CDYL2: variants seen among roughly 807,000 people sequenced by gnomAD.
CDYL2 encodes chromodomain Y-like protein 2.
In CDYL2, 23 loss-of-function variants were observed where a neutral mutation model predicts 49.4. That is an observed-to-expected ratio of 0.47 (90% CI 0.34 to 0.66). The LOEUF (loss-of-function observed/expected upper bound fraction) is 0.66. Ranked by LOEUF, CDYL2 falls within the 30% of genes least tolerant of loss-of-function variation. The pLI, the probability that CDYL2 is intolerant of heterozygous loss-of-function variation, is 0.01. For synonymous variants in CDYL2, 360 were observed against 268.8 expected (o/e 1.34, Z -3.32); for missense variants, 678 against 656.4 (o/e 1.03, Z -0.36).
At chr16:80,631,370 G>T (rs80090035) in intron 3 of CDYL2, among the ~76,000 whole-genome samples, 1 of 152,144 alleles carries the variant, frequency 6.6e-6, no homozygotes, top group Non-Finnish European at 1.5e-5. Flanking sequence ...AGGCTGCTTC[G>T]TGGAGCATCT....
chr16:80,749,752 A>T (rs1180137318), intron 1 of CDYL2, among the ~76,000 whole-genome samples: 2 of 152,186 alleles, frequency 1.3e-5, no homozygotes, highest in Non-Finnish European at 2.9e-5. Flanking sequence ...AAAAAAAAGC[A>T]TACATGTGCA....
intron 1 of CDYL2, among the ~76,000 whole-genome samples, chr16:80,766,635 T>C (rs1221774873): frequency 6.6e-6 from 1 of 152,132 alleles, no homozygotes; most frequent in East Asian, 1.9e-4. Context: ...GAAACTAAGA[T>C]TCCAAGAGGT....
At chr16:80,735,951 C>T (rs1226151206) in intron 1 of CDYL2, among the ~76,000 whole-genome samples, 3 of 152,232 alleles carry the variant, frequency 2.0e-5, no homozygotes, top group Non-Finnish European at 4.4e-5. Context: ...CGGGTCTGCA[C>T]TTAGTAGCTC....
chr16:80,628,753 G>T (rs1341266060), intron 3 of CDYL2, among the ~76,000 whole-genome samples: 1 of 152,180 alleles, frequency 6.6e-6, no homozygotes, highest in African/African-American at 2.4e-5. Context: ...ACCTAGTCCA[G>T]ACCCTTTCAC....
intron 1 of CDYL2, among the ~76,000 whole-genome samples, chr16:80,730,622 T>C (rs1275422360): frequency 1.3e-5 from 2 of 152,090 alleles, no homozygotes; most frequent in Admixed American, 1.3e-4. Context: ...ATCATCCTGA[T>C]ACCAAAGCCG....
chr16:80,769,527 C>A (rs560956468), intron 1 of CDYL2, among the ~76,000 whole-genome samples: 1 of 152,158 alleles, frequency 6.6e-6, no homozygotes, highest in Non-Finnish European at 1.5e-5. Context: ...AGAGAATGGA[C>A]CCTGCACTCA....
intron 2 of CDYL2, among the ~76,000 whole-genome samples, chr16:80,660,676 G>T (rs924517649): frequency 1.3e-5 from 2 of 152,196 alleles, no homozygotes; most frequent in African/African-American, 4.8e-5. Flanking sequence ...TTAAAAGACA[G>T]AGATAATCAC....
At chr16:80,779,969 T>A (rs1907209711) in intron 1 of CDYL2, among the ~76,000 whole-genome samples, 1 of 152,132 alleles carries the variant, frequency 6.6e-6, no homozygotes, top group Admixed American at 6.6e-5. Flanking sequence ...AGAAAGCATA[T>A]AATGAAGAGA....
In CDYL2 at chr16:80,791,382, T is replaced by C. The variant is rs995413805; in HGVS notation, c.24+12768A>G. On this transcript the variant is annotated intron_variant, in intron 1 of 6. Transcript: ENST00000570137. ...ATTAAACAGATTGGTTTTTGAGTCT[T>C]GCACTGTGCTAGGTGCTACAGATGA... Among the ~76,000 whole-genome samples, 21 of 152,218 alleles carry C rather than the reference T, an allele frequency of 1.4e-4. 1 individual carries two copies. Among genetic ancestry groups the C allele is most frequent in the African/African-American group, 4.1e-4 (17 of 41,456 alleles).
At chr16:80,626,275 TA>T (rs11358031) in intron 3 of CDYL2, among the ~76,000 whole-genome samples, 20,881 of 92,168 alleles carry the variant, frequency 0.23, 1,813 homozygotes, top group Admixed American at 0.37. Flanking sequence ...AAATCCCATC[TA>T]AAAAAAAAAA....
chr16:80,608,858 C>A (rs1382610756), intron 5 of CDYL2, among the ~76,000 whole-genome samples: 1 of 152,186 alleles, frequency 6.6e-6, no homozygotes, highest in Admixed American at 6.5e-5. Flanking sequence ...AATTCCCCAG[C>A]CCTGTCTCCC....
intron 2 of CDYL2, among the ~76,000 whole-genome samples, chr16:80,635,338 C>A (rs904089017): frequency 1.3e-5 from 2 of 152,200 alleles, no homozygotes; most frequent in African/African-American, 4.8e-5. Context: ...AGCCCAAAAT[C>A]TCCTTAAGCT....
Position 80,675,743 on chromosome 16 carries a change from G to A in CDYL2, c.616+8795C>T, listed in dbSNP as rs111813956. 2.6e-3 allele frequency among the ~76,000 whole-genome samples: 395 copies of A among 152,022 alleles called. 2 individuals are homozygous for A. Among genetic ancestry groups the A allele is most frequent in the Middle Eastern group, 6.8e-3 (2 of 292 alleles). ...TCAATAAGGAGAGCGGCTTTTCACC[G>A]ACATTAGGAGGTGAAGTTTTATTAT... is the stretch of plus-strand genomic sequence containing the variant. On this transcript the variant is annotated intron_variant, in intron 2 of 6. Transcript: ENST00000570137.
chr16:80,767,933 T>G (rs1906781059), intron 1 of CDYL2, among the ~76,000 whole-genome samples: 1 of 152,220 alleles, frequency 6.6e-6, no homozygotes, highest in African/African-American at 2.4e-5. Context: ...ATGGCTTCTC[T>G]GGAGCAACTT....
At chr16:80,627,169 G>T (rs1907341869) in intron 3 of CDYL2, among the ~76,000 whole-genome samples, 1 of 152,074 alleles carries the variant, frequency 6.6e-6, no homozygotes, top group Non-Finnish European at 1.5e-5. Flanking sequence ...ATAAGCAACA[G>T]ATATTCATTT....
chr16:80,760,452 C>T (rs1042293216), intron 1 of CDYL2, among the ~76,000 whole-genome samples: 1 of 152,058 alleles, frequency 6.6e-6, no homozygotes, highest in South Asian at 2.1e-4. Context: ...TCAATAATAA[C>T]GTAATTGTAC....
At chr16:80,628,684 C>T (rs1907413504) in intron 3 of CDYL2, among the ~76,000 whole-genome samples, 1 of 152,198 alleles carries the variant, frequency 6.6e-6, no homozygotes, top group Admixed American at 6.5e-5. Flanking sequence ...TTATAGATAA[C>T]TAATACAATC....
chr16:80,757,187 G>C (rs1293402879), intron 1 of CDYL2, among the ~76,000 whole-genome samples: 3 of 152,100 alleles, frequency 2.0e-5, no homozygotes, highest in Admixed American at 6.6e-5. Context: ...TATCAACTAA[G>C]ACAAGCAGAC....
At chr16:80,617,189 G>C (rs1906869916) in intron 4 of CDYL2, among the ~76,000 whole-genome samples, 1 of 152,188 alleles carries the variant, frequency 6.6e-6, no homozygotes, top group East Asian at 1.9e-4. Flanking sequence ...ATGCGTCCCA[G>C]TCACCAGTCC....
Sources: gnomAD v4.1 joint callset for allele counts (sites outside exome capture counted in the v4.1 genomes callset) on GRCh38, gnomAD v4.1.1 for gene constraint, MANE v1.5 for transcripts, NCBI Gene and HGNC (gene_info 2026-07-23, HGNC 2026-07-21) for gene names.